Variants in BACE1 observed in about 807,000 individuals in gnomAD.
BACE1 encodes the protein beta-secretase 1.
BACE1 carries 21 observed loss-of-function variants against 54.0 expected under a neutral mutation model. That is an observed-to-expected ratio of 0.39 (90% CI 0.28 to 0.56). BACE1 has a LOEUF of 0.56. Ranked by LOEUF, BACE1 falls within the 20% of genes least tolerant of loss-of-function variation. BACE1 has a pLI of 0.63. For missense variants in BACE1, 511 were observed against 661.2 expected, an observed-to-expected ratio of 0.77 and a Z score of 2.49; for synonymous variants, 232 against 260.9, an observed-to-expected ratio of 0.89 and a Z score of 1.07.
At chr11:117,308,115 C>A (rs779902029) in intron 1 of BACE1, among the ~76,000 whole-genome samples, 1 of 152,040 alleles carries the variant, frequency 6.6e-6, no homozygotes, top group Non-Finnish European at 1.5e-5. Flanking sequence ...TGCTCCCAGC[C>A]TTCTCCCTCA....
chr11:117,301,729 T>C (rs2034730927), intron 1 of BACE1, among the ~76,000 whole-genome samples: 1 of 152,214 alleles, frequency 6.6e-6, no homozygotes, highest in Non-Finnish European at 1.5e-5. Flanking sequence ...ATCTGTTCTG[T>C]AGGTCAGCAG....
At position 117,287,867 on chromosome 11, in the gene BACE1, G is replaced by A. The variant is rs1488822594; in HGVS notation, c.*1699C>T. 2 of 152,676 alleles carry A rather than the reference G, an allele frequency of 1.3e-5. No homozygotes were observed. The allele number at this position is 152,676 out of a possible 1,614,324, so 9.5% of individuals were successfully genotyped here. A position where few individuals can be genotyped will look rare whatever the true frequency, so the allele number is the denominator to read the frequency against. Reference sequence around the variant, plus strand: ...CTTGTGGGCAGCTGGCTGAGGCCAGGAACACCAGAGGCCCTCCTTGTATTT... The same window carrying A: ...CTTGTGGGCAGCTGGCTGAGGCCAGAAACACCAGAGGCCCTCCTTGTATTT... On this transcript the variant is annotated 3_prime_UTR_variant, in exon 9 of 9. Transcript: ENST00000313005.
At chr11:117,311,654 T>G (rs2034945297) in intron 1 of BACE1, among the ~76,000 whole-genome samples, 1 of 152,152 alleles carries the variant, frequency 6.6e-6, no homozygotes, top group Admixed American at 6.5e-5. Flanking sequence ...TTTTATTTAT[T>G]TTTTGAGACG....
At chr11:117,307,116 A>G (rs1264378316) in intron 1 of BACE1, among the ~76,000 whole-genome samples, 2 of 152,142 alleles carry the variant, frequency 1.3e-5, no homozygotes, top group Non-Finnish European at 2.9e-5. Context: ...ATAGTACCCA[A>G]GGCTGCGGTA....
intron 1 of BACE1, among the ~76,000 whole-genome samples, chr11:117,313,713 C>T (rs1256852329): frequency 6.6e-6 from 1 of 152,194 alleles, no homozygotes; most frequent in East Asian, 1.9e-4. Flanking sequence ...GCTGGGATTA[C>T]AGGATACCCC....
chr11:117,300,084 C>T (rs142900081), intron 1 of BACE1, among the ~76,000 whole-genome samples: 4 of 152,142 alleles, frequency 2.6e-5, no homozygotes, highest in Non-Finnish European at 5.9e-5. Context: ...GCAGGGTACT[C>T]CCACCCCAGC....
chr11:117,302,298 A>G (rs2134475338), intron 1 of BACE1, among the ~76,000 whole-genome samples: 2 of 152,264 alleles, frequency 1.3e-5, no homozygotes, highest in Middle Eastern at 6.8e-3. Context: ...GCGCCACTGC[A>G]CTCCCGTCTG....
At chr11:117,303,632 C>G (rs953376315) in intron 1 of BACE1, among the ~76,000 whole-genome samples, 11 of 152,220 alleles carry the variant, frequency 7.2e-5, no homozygotes, top group Non-Finnish European at 4.4e-5. Context: ...GATGGAGACT[C>G]TTTCCAATTC....
Position 117,293,557 on chromosome 11 carries a change from G to C in BACE1, c.705+314C>G. On this transcript the variant is annotated intron_variant, in intron 4 of 8. Coordinates refer to ENST00000313005, the MANE Select transcript of BACE1 (RefSeq NM_012104.6). The surrounding 1 kb of genome is among the most constrained non-coding windows in gnomAD (Gnocchi z 4.1). ...CATTGTTCTAATTAATTAATAAATA[G>C]ACAAACTTCTTATATCTCTGCCTTC... 1 of 276,244 alleles carries C rather than the reference G, an allele frequency of 3.6e-6. No individual in the cohort carries two copies. Among genetic ancestry groups the C allele is most frequent in the Non-Finnish European group, 6.6e-6 (1 of 150,658 alleles). The allele number at this position is 276,244 out of a possible 1,614,324, so 17.1% of individuals were successfully genotyped here.
At chr11:117,307,673 G>A (rs956039180) in intron 1 of BACE1, among the ~76,000 whole-genome samples, 9 of 152,160 alleles carry the variant, frequency 5.9e-5, no homozygotes, top group South Asian at 4.1e-4. Context: ...CCCAAGAAGG[G>A]TTCCTGACCT....
In BACE1 at chr11:117,293,589, T is replaced by C. The variant is rs2034516844; in HGVS notation, c.705+282A>G. ...TTCTTATATCTCTGCCTTCTGACCA[T>C]CAAACTGAATAATTTTAATTCAACA... On this transcript the variant is annotated intron_variant, in intron 4 of 8. Coordinates refer to ENST00000313005, the MANE Select transcript of BACE1 (RefSeq NM_012104.6). The surrounding 1 kb of genome is among the most constrained non-coding windows in gnomAD (Gnocchi z 4.1). 1 of 307,588 alleles carries C rather than the reference T, an allele frequency of 3.3e-6. No homozygotes were observed. The highest frequency in any genetic ancestry group is 2.2e-5 in the African/African-American group (1 of 46,348). 19.1% of individuals were successfully genotyped at this position (307,588 alleles called of 1,614,324 possible).
rs762987470 is a variant in BACE1, at chr11:117,295,388, A to AC, written c.351-42dup. 3 of 1,600,042 alleles carry AC rather than the reference A, an allele frequency of 1.9e-6. No homozygotes were observed. The South Asian group carries it at 3.3e-5, about 18-fold the overall frequency. ...AGAGATCTGTGGATGCATAACCACA[A>AC]CTGGTATAAGGATCTAAGTTAAACT... On this transcript the variant is annotated intron_variant, in intron 2 of 8. Coordinates refer to ENST00000313005, the MANE Select transcript of BACE1 (RefSeq NM_012104.6).
chr11:117,310,140 C>G (rs1448564564), intron 1 of BACE1, among the ~76,000 whole-genome samples: 2 of 152,098 alleles, frequency 1.3e-5, no homozygotes, highest in African/African-American at 4.8e-5. Context: ...AATTCCCAGC[C>G]TCAGGTGATC....
chr11:117,315,549 T>G lies in BACE1; in HGVS notation c.247A>C (p.Ser83Arg). The G allele has an allele frequency of 6.3e-7, 1 of 1,584,982 alleles. No individual in the cohort carries two copies. The highest frequency in any genetic ancestry group is 8.6e-7 in the Non-Finnish European group (1 of 1,167,604). Residue 83 changes from serine to arginine, a missense_variant, in exon 1 of 9, where the codon AGC (serine) becomes CGC (arginine). Physicochemically the swap from Ser to Arg is moderately radical, Grantham distance 110 (BLOSUM62 -1). This residue lies in a region of BACE1 where 407 missense variants were observed against 565.7 expected (regional missense o/e 0.72). Coordinates refer to ENST00000313005, the MANE Select transcript of BACE1 (RefSeq NM_012104.6). This position sits in a 1 kb window ranked among gnomAD's most constrained non-coding sequence, Gnocchi z 5.5. ...QGYYVEMTVG[S>R]PPQTLNILVD... ...GACCACCTTACCGTCTGCGGGGGGC[T>G]GCCCACGGTCATCTCCACGTAGTAG...
chr11:117,300,272 C>A (rs2034694470), intron 1 of BACE1, among the ~76,000 whole-genome samples: 1 of 152,226 alleles, frequency 6.6e-6, no homozygotes, highest in South Asian at 2.1e-4. Context: ...CCACCTTACA[C>A]ACACACACAA....
At chr11:117,291,139 T>C in intron 6 of BACE1, 90 bp from the exon 7 acceptor site, 4 of 1,489,786 alleles carry the variant, frequency 2.7e-6, no homozygotes, top group Non-Finnish European at 3.6e-6. Flanking sequence ...GGGCCCTTCA[T>C]TTGCTTTTCC....
chr11:117,303,521 C>T (rs564493188), intron 1 of BACE1, among the ~76,000 whole-genome samples: 17 of 152,322 alleles, frequency 1.1e-4, no homozygotes, highest in African/African-American at 4.1e-4. Flanking sequence ...TTCCCCAAAT[C>T]CCACCTTTCT....
intron 1 of BACE1, chr11:117,299,792 C>T (rs762288332): frequency 1.4e-5 from 4 of 283,116 alleles, no homozygotes; most frequent in Non-Finnish European, 2.8e-5. Flanking sequence ...CTTCACCCAC[C>T]CTCTCCCCAC....
intron 2 of BACE1, 121 bp downstream of exon 2, chr11:117,296,752 C>T: frequency 1.3e-6 from 1 of 780,432 alleles, no homozygotes; most frequent in East Asian, 2.7e-5. Flanking sequence ...TTCGCCCTTC[C>T]CCTTCCCTGG....
Sources: allele counts gnomAD v4.1 joint callset (sites outside exome capture counted in the v4.1 genomes callset), GRCh38; gene constraint gnomAD v4.1.1; regional missense constraint gnomAD v4.1.1; non-coding constraint Gnocchi (gnomAD v3.1); transcripts MANE v1.5; gene names NCBI Gene and HGNC (gene_info 2026-07-23, HGNC 2026-07-21).